Variants in PADI4 observed in about 807,000 individuals in gnomAD.
PADI4 encodes peptidyl arginine deiminase 4.
A neutral mutation model predicts 75.0 loss-of-function variants in PADI4; 62 were observed. The observed-to-expected ratio is 0.83, with a 90% confidence interval of 0.67 to 1.02. The LOEUF is 1.02. Among genes scored for constraint, PADI4 ranks in the 50% least tolerant of loss-of-function variants. PADI4 has a pLI of 0.00. For synonymous variants in PADI4, 361 were observed against 348.1 expected, an observed-to-expected ratio of 1.04 and a Z score of -0.41; for missense variants, 845 against 850.5, an observed-to-expected ratio of 0.99 and a Z score of 0.08.
intron 1 of PADI4, among the ~76,000 whole-genome samples, chr1:17,319,876 G>A (rs556318227): frequency 3.9e-5 from 6 of 152,298 alleles, no homozygotes; most frequent in African/African-American, 1.4e-4. Flanking sequence ...GTCACGGGCT[G>A]TTTACACCTC....
At chr1:17,331,497 A>G (rs1022569356) in intron 2 of PADI4, among the ~76,000 whole-genome samples, 1 of 152,238 alleles carries the variant, frequency 6.6e-6, no homozygotes, top group African/African-American at 2.4e-5. Context: ...TGGTAGCATC[A>G]GAGAATCTAC....
At chr1:17,362,398 C>A (rs1018672837) in intron 15 of PADI4, among the ~76,000 whole-genome samples, 1 of 150,304 alleles carries the variant, frequency 6.7e-6, no homozygotes, top group Non-Finnish European at 1.5e-5. Context: ...TTTGCAGCAA[C>A]CTGATGGAGC....
intron 1 of PADI4, among the ~76,000 whole-genome samples, chr1:17,312,257 C>A (rs10888017): frequency 1.3e-5 from 2 of 151,574 alleles, no homozygotes; most frequent in East Asian, 1.9e-4. Flanking sequence ...GTCAGGAGTT[C>A]GAAACCAGCC....
At chr1:17,351,076 T>C (rs11586805) in intron 10 of PADI4, among the ~76,000 whole-genome samples, 20,773 of 125,584 alleles carry the variant, frequency 0.17, 4,932 homozygotes, top group Middle Eastern at 0.31. Flanking sequence ...CACATGCCTG[T>C]AGTCCCAACT....
Position 17,358,847 on chromosome 1 carries a change from A to C in PADI4, c.1568A>C (p.Gln523Pro). The change falls in exon 14 of 16, where the codon CAG (glutamine) becomes CCG (proline). Residue 523 changes from glutamine to proline, a missense_variant. Transcript: ENST00000375448. ...LLFEGIKKKK[Q>P]QKIKNILSNK... The stretch of plus-strand genomic sequence containing the variant: ...TTTTTCTCCATGACAGAAAAAAAAC[A>C]GCAGAAAATAAAGAACATTCTGTCA... 6.2e-7 allele frequency: 1 copy of C among 1,602,018 alleles called. No homozygotes were observed. Among genetic ancestry groups the C allele is most frequent in the Non-Finnish European group, 8.5e-7 (1 of 1,172,538 alleles).
At chr1:17,338,258 G>T in intron 5 of PADI4, 103 bp downstream of exon 5, 1 of 750,380 alleles carries the variant, frequency 1.3e-6, no homozygotes, top group East Asian at 2.7e-5. Context: ...GTTATTGAAA[G>T]CATCTTCTTG....
chr1:17,345,171 C>A (rs2074492819), intron 8 of PADI4, among the ~76,000 whole-genome samples: 1 of 152,182 alleles, frequency 6.6e-6, no homozygotes, highest in Non-Finnish European at 1.5e-5. Context: ...ATTTGACTGC[C>A]CTGCTGGATT....
In PADI4 at chr1:17,338,064, A is replaced by C; in HGVS notation, c.435A>C (p.Gly145=). The change falls in exon 5 of 16, where the codon GGA becomes GGC. Residue 145 remains glycine (G), a synonymous_variant. Transcript: ENST00000375448. The part of the protein sequence containing the change: ...DQRTWTWGPC[G]QGAILLVNCD... The stretch of plus-strand genomic sequence containing the variant: ...GGACCTGGACCTGGGGCCCTTGTGG[A>C]CAGGGTGCCATCCTGCTGGTGAACT... 6.2e-7 allele frequency: 1 copy of C among 1,613,482 alleles called. No individual in the cohort carries two copies. The highest frequency in any genetic ancestry group is 8.5e-7 in the Non-Finnish European group (1 of 1,179,474).
intron 3 of PADI4, among the ~76,000 whole-genome samples, chr1:17,335,295 C>A (rs1464613758): frequency 3.3e-5 from 5 of 152,178 alleles, no homozygotes; most frequent in Non-Finnish European, 7.3e-5. Flanking sequence ...TAAGACTTTA[C>A]ATTTAATCCT....
chr1:17,315,951 C>T (rs566535322), intron 1 of PADI4, among the ~76,000 whole-genome samples: 1 of 152,038 alleles, frequency 6.6e-6, no homozygotes, highest in East Asian at 1.9e-4. Flanking sequence ...CCCTGATGAC[C>T]CACAGCTCTG....
At position 17,339,695 on chromosome 1, in the gene PADI4, G is replaced by T; in HGVS notation, c.534G>T (p.Gln178His). The T allele has an allele frequency of 6.2e-7, 1 of 1,613,940 alleles. No individual in the cohort carries two copies. The highest frequency in any genetic ancestry group is 8.5e-7 in the Non-Finnish European group (1 of 1,179,936). The change falls in exon 6 of 16, where the codon CAG (glutamine) becomes CAT (histidine). Residue 178 changes from glutamine to histidine, a missense_variant. By Grantham distance (24) the Gln-to-His change is conservative. Transcript: ENST00000375448. ...ATGCCCTTCTCATCCCAGACCTGCA[G>T]GACATGTCGCTGATGACCCTGAGCA... ...DDEVLDSEDLQDMSLMTLSTK... is the reference protein window; with the variant it reads ...DDEVLDSEDLHDMSLMTLSTK...
In PADI4 at chr1:17,351,639, G is replaced by A. The variant is rs532154117; in HGVS notation, c.1156-2894G>A. Among the ~76,000 whole-genome samples, 8 of 147,924 alleles carry A rather than the reference G, an allele frequency of 5.4e-5. No individual in the cohort carries two copies. In the South Asian group the frequency reaches 8.5e-4, roughly 16 times the overall value. On this transcript the variant is annotated intron_variant, in intron 10 of 15. Transcript: ENST00000375448. The stretch of plus-strand genomic sequence containing the variant: ...AAAAAAAAAAAAAAAAAAAGATTGC[G>A]TTCTTAAATAGGATGGTCAGGGTGG...
chr1:17,351,991 CAGTCA>C (rs2074646421), intron 10 of PADI4, among the ~76,000 whole-genome samples: 1 of 20,624 alleles, frequency 4.8e-5, no homozygotes, highest in Non-Finnish European at 8.3e-5. Flanking sequence ...GGAGGAGAGG[CAGTCA>C]GGGAGGTGAT....
chr1:17,311,344 A>C (rs1398850560), intron 1 of PADI4, among the ~76,000 whole-genome samples: 2 of 151,914 alleles, frequency 1.3e-5, no homozygotes. Flanking sequence ...CCTGCCTCCA[A>C]ATGCTGGGGA....
chr1:17,320,819 C>G (rs2074020870), intron 1 of PADI4, among the ~76,000 whole-genome samples: 1 of 152,176 alleles, frequency 6.6e-6, no homozygotes, highest in Non-Finnish European at 1.5e-5. Context: ...GAATGCCTAA[C>G]TTACTGGGAA....
intron 1 of PADI4, among the ~76,000 whole-genome samples, chr1:17,330,421 G>A (rs1055630451): frequency 4.6e-5 from 7 of 152,198 alleles, no homozygotes; most frequent in African/African-American, 1.7e-4. Context: ...ACGATCACAA[G>A]GCAAAGTCCC....
intron 10 of PADI4, among the ~76,000 whole-genome samples, chr1:17,349,119 T>C (rs2074574535): frequency 6.6e-6 from 1 of 152,210 alleles, no homozygotes; most frequent in African/African-American, 2.4e-5. Context: ...CAGTGTGTAC[T>C]CAGCCATGGG....
At chr1:17,339,866 C>G (rs1305523276) in intron 6 of PADI4, 53 bp downstream of exon 6, 1 of 1,535,364 alleles carries the variant, frequency 6.5e-7, no homozygotes, top group South Asian at 1.2e-5. Flanking sequence ...GGGGCACAAT[C>G]CTGTCACACA....
At position 17,356,045 on chromosome 1, in the gene PADI4, C is replaced by A. The variant is rs2074753688; in HGVS notation, c.1373C>A (p.Ala458Asp). 1 of 1,614,064 alleles carries A rather than the reference C, an allele frequency of 6.2e-7. No homozygotes were observed. The highest frequency in any genetic ancestry group is 8.5e-7 in the Non-Finnish European group (1 of 1,179,946). Residue 458 changes from alanine to aspartate, a missense_variant, in exon 12 of 16, where the codon GCC (alanine) becomes GAC (aspartate). Ala to Asp is a moderately radical substitution (Grantham distance 126). Coordinates refer to ENST00000375448, the MANE Select transcript of PADI4 (RefSeq NM_012387.3). The surrounding 1 kb of genome is among the most constrained non-coding windows in gnomAD (Gnocchi z 4.1). ...QDFLSAQQVQ[A>D]PVKLYSDWLS... is the part of the protein sequence containing the mutation. The stretch of plus-strand genomic sequence containing the variant: ...TTCCTCAGTGCCCAGCAGGTGCAGG[C>A]CCCTGTGAAGCTCTATTCTGACTGG...
Sources: gnomAD v4.1 joint callset for allele counts (sites outside exome capture counted in the v4.1 genomes callset) on GRCh38, gnomAD v4.1.1 for gene constraint, Gnocchi (gnomAD v3.1) non-coding constraint, MANE v1.5 for transcripts, NCBI Gene and HGNC (gene_info 2026-07-23, HGNC 2026-07-21) for gene names.